The following EIF4G2 variants were observed in gnomAD, a reference collection of about 807,000 sequenced individuals.
EIF4G2 encodes eukaryotic translation initiation factor 4 gamma 2, also known as DAP-5.
Under a neutral mutation model 117.7 loss-of-function variants are expected in EIF4G2, and 8 were observed. The observed-to-expected ratio is 0.07, with a 90% confidence interval of 0.04 to 0.12. The LOEUF (loss-of-function observed/expected upper bound fraction) is 0.12, where lower values mean the gene tolerates loss of function less well. EIF4G2 is among the 10% of genes least tolerant of loss of function. The pLI, the probability that EIF4G2 is intolerant of heterozygous loss-of-function variation, is 1.00. For synonymous variants in EIF4G2, 413 were observed against 367.8 expected, an observed-to-expected ratio of 1.12 and a Z score of -1.41; for missense variants, 812 against 1,086.2, an observed-to-expected ratio of 0.75 and a Z score of 3.55.
chr11:10,808,587 A>G (rs1022261364), intron 1 of EIF4G2, 118 bp downstream of exon 1: 55 of 888,948 alleles, frequency 6.2e-5, no homozygotes, highest in Non-Finnish European at 7.4e-5. Context: ...ATGCTAAAAA[A>G]GGGTCGCCCC....
At position 10,797,692 on chromosome 11, in the gene EIF4G2, C is replaced by T. The variant is rs944798371; in HGVS notation, c.*124G>A. 2.0e-5 allele frequency: 20 copies of T among 999,448 alleles called. No individual in the cohort carries two copies. The highest frequency in any genetic ancestry group is 2.4e-5 in the Non-Finnish European group (16 of 657,770). 61.9% of individuals were successfully genotyped at this position (999,448 alleles called of 1,614,324 possible). Reference sequence around the variant, plus strand: ...TTATGCAGAAGGAAATCCTAACTGACGTGCTTCTGCTTTAAATATTGTGAA... The same window carrying T: ...TTATGCAGAAGGAAATCCTAACTGATGTGCTTCTGCTTTAAATATTGTGAA... On this transcript the variant is annotated 3_prime_UTR_variant, in exon 22 of 22. Coordinates refer to ENST00000339995, the MANE Select transcript of EIF4G2 (RefSeq NM_001418.4). The surrounding 1 kb of genome is among the most constrained non-coding windows in gnomAD (Gnocchi z 4.5).
In EIF4G2 at chr11:10,808,579, G is replaced by A. The variant is rs530205550; in HGVS notation, c.-87+126C>T. ...CAGGTATCTGAAGCGCAGAGGAAAT[G>A]CTAAAAAAGGGTCGCCCCACCCGGC... On this transcript the variant is annotated intron_variant, in intron 1 of 21. Coordinates refer to ENST00000339995, the MANE Select transcript of EIF4G2 (RefSeq NM_001418.4). 3.2e-4 allele frequency: 302 copies of A among 943,352 alleles called. 1 individual carries two copies. In the African/African-American group the frequency reaches 5.2e-3, roughly 16 times the overall value. The allele number at this position is 943,352 out of a possible 1,614,324, so 58.4% of individuals were successfully genotyped here.
intron 21 of EIF4G2, chr11:10,798,621 T>G (rs1847330641): frequency 6.1e-6 from 1 of 164,538 alleles, no homozygotes; most frequent in African/African-American, 2.4e-5. Flanking sequence ...TGAGCTCAAG[T>G]GATCCTCCCA....
At chr11:10,808,156 C>A in intron 1 of EIF4G2, 3 of 1,094,914 alleles carry the variant, frequency 2.7e-6, no homozygotes, top group African/African-American at 3.5e-5. Flanking sequence ...CACCATAAAT[C>A]CCCCCGGGAC....
rs549708868 is a variant in EIF4G2, at chr11:10,806,510, C to A, written c.107+310G>T. 50 of 358,916 alleles carry A rather than the reference C, an allele frequency of 1.4e-4. No homozygotes were observed. The East Asian group carries it at 2.5e-3, about 18-fold the overall frequency. The allele number at this position is 358,916 out of a possible 1,614,324, so 22.2% of individuals were successfully genotyped here. The stretch of plus-strand genomic sequence containing the variant: ...TAAACACTTTCTAATGTTTTATTGA[C>A]CATGTTGAGTGCGTACTACTTTACT... On this transcript the variant is annotated intron_variant, in intron 3 of 21. Transcript: ENST00000339995.
chr11:10,799,872 TAGAG>T, intron 18 of EIF4G2, 116 bp from the exon 19 acceptor site: 1 of 1,301,416 alleles, frequency 7.7e-7, no homozygotes, highest in African/African-American at 1.5e-5. Context: ...TGTAGCAGAA[TAGAG>T]AACCAACCCA....
rs1475137523 is a variant in EIF4G2, at chr11:10,799,603, A to G, written c.2273T>C (p.Ile758Thr). ...TTTATCTACATGAAGTTTGGGAGAG[A>G]TGTTATCTTTAATCCATTTATATAT... is the stretch of plus-strand genomic sequence containing the variant. The change falls in exon 19 of 22, where the codon ATC becomes ACC. Residue 758 changes from isoleucine to threonine, a missense_variant. By Grantham distance (89) the Ile-to-Thr change is moderately conservative. Transcript: ENST00000339995. 2 of 1,613,950 alleles carry G rather than the reference A, an allele frequency of 1.2e-6. No individual in the cohort carries two copies. Among genetic ancestry groups the G allele is most frequent in the Non-Finnish European group, 1.7e-6 (2 of 1,180,010 alleles).
chr11:10,802,513 G>A (rs1847452484), intron 11 of EIF4G2, 78 bp from the exon 12 acceptor site: 2 of 1,444,750 alleles, frequency 1.4e-6, no homozygotes, highest in South Asian at 1.5e-5. Context: ...GCAACTAGGG[G>A]GGGAAACCTA....
In EIF4G2 at chr11:10,801,746, C is replaced by T. The variant is rs1209103573; in HGVS notation, c.1328G>A (p.Ser443Asn). The change falls in exon 14 of 22, where the codon AGT becomes AAT. Residue 443 changes from serine to asparagine, a missense_variant. Physicochemically the swap from Ser to Asn is conservative, Grantham distance 46. This residue lies in a region of EIF4G2 where 571 missense variants were observed against 642.3 expected (regional missense o/e 0.89). Transcript: ENST00000339995. ...TTGCAGCTGGGATAAGAGTCCCTGA[C>T]TCTGGTTATGGTAGAGCTGGCTTAG... is the stretch of plus-strand genomic sequence containing the variant. The T allele has an allele frequency of 1.2e-6, 2 of 1,614,140 alleles. No individual in the cohort carries two copies. Among genetic ancestry groups the T allele is most frequent in the South Asian group, 1.1e-5 (1 of 91,080 alleles).
intron 3 of EIF4G2, 54 bp from the exon 4 acceptor site, chr11:10,806,101 A>G (rs1847561977): frequency 1.9e-6 from 3 of 1,608,840 alleles, no homozygotes; most frequent in South Asian, 2.2e-5. Context: ...AATGTTAAAC[A>G]TCATAAATTC....
Position 10,801,652 on chromosome 11 carries a change from C to T in EIF4G2, c.1413+9G>A, listed in dbSNP as rs778746414. 6.2e-7 allele frequency: 1 copy of T among 1,611,660 alleles called. No individual in the cohort carries two copies. Among genetic ancestry groups the T allele is most frequent in the Non-Finnish European group, 8.5e-7 (1 of 1,177,814 alleles). The stretch of plus-strand genomic sequence containing the variant: ...AACTATGGTATATAAGTAACATAGG[C>T]AAATGTACCTCATCTGCATTAAGCT... On this transcript the variant is annotated intron_variant, in intron 14 of 21. Transcript: ENST00000339995.
chr11:10,803,364 C>G lies in EIF4G2; in HGVS notation c.814-70G>C. On this transcript the variant is annotated intron_variant, in intron 9 of 21. Transcript: ENST00000339995. The surrounding 1 kb of genome is among the most constrained non-coding windows in gnomAD (Gnocchi z 4.0). ...TGTTCAATTTACAGCTTTAAGACTTCTAAAATTATAACCCAGTTAATGGCT... is the reference window on the plus strand; with the variant it reads ...TGTTCAATTTACAGCTTTAAGACTTGTAAAATTATAACCCAGTTAATGGCT... 6.3e-7 allele frequency: 1 copy of G among 1,579,284 alleles called. No individual in the cohort carries two copies. The highest frequency in any genetic ancestry group is 2.2e-5 in the East Asian group (1 of 44,602).
At position 10,799,366 on chromosome 11, in the gene EIF4G2, A is replaced by T. The variant is rs1219143765; in HGVS notation, c.2383T>A (p.Ser795Thr). ...TCTAACTGTTCTTTGGAAGGAGCAG[A>T]GGATGAATCTGTTTCATCGCTGGGG... Residue 795 changes from serine to threonine, a missense_variant, in exon 20 of 22, where the codon TCT becomes ACT. By Grantham distance (58) the Ser-to-Thr change is moderately conservative. This residue lies in a region of EIF4G2 where 571 missense variants were observed against 642.3 expected (regional missense o/e 0.89). Transcript: ENST00000339995. 6.2e-7 allele frequency: 1 copy of T among 1,613,250 alleles called. No individual in the cohort carries two copies. The highest frequency in any genetic ancestry group is 8.5e-7 in the Non-Finnish European group (1 of 1,180,042).
rs1847522225 is a variant in EIF4G2, at chr11:10,804,974, C to A, written c.290G>T (p.Cys97Phe). 6.2e-7 allele frequency: 1 copy of A among 1,614,126 alleles called. No individual in the cohort carries two copies. Among genetic ancestry groups the A allele is most frequent in the Non-Finnish European group, 8.5e-7 (1 of 1,179,998 alleles). The change falls in exon 5 of 22, where the codon TGC becomes TTC. Residue 97 changes from cysteine (C) to phenylalanine (F), a missense_variant. Cys to Phe is a radical substitution (Grantham distance 205). Transcript: ENST00000339995. ...TACACCCACATTGAGGAGCTCAAGG[C>A]ATAGCTTGTCAAACTTTTCAGGAGT...
At chr11:10,804,551 G>C (rs1190391385) in intron 5 of EIF4G2, 133 bp from the exon 6 acceptor site, 2 of 1,149,646 alleles carry the variant, frequency 1.7e-6, no homozygotes, top group South Asian at 1.8e-5. Flanking sequence ...ATTTCATCTA[G>C]TCACATCCAT....
chr11:10,798,475 C>A (rs1847325041), intron 21 of EIF4G2, among the ~76,000 whole-genome samples: 1 of 152,156 alleles, frequency 6.6e-6, no homozygotes, highest in South Asian at 2.1e-4. Flanking sequence ...TCACTGCAAC[C>A]TCTGCCTCCT....
chr11:10,802,465 T>G (rs1564982996), intron 11 of EIF4G2, 30 bp from the exon 12 acceptor site: 4 of 1,535,574 alleles, frequency 2.6e-6, no homozygotes, highest in Non-Finnish European at 3.5e-6. Flanking sequence ...ATGCACTTTT[T>G]GTCTCTGGAC....
In EIF4G2 at chr11:10,798,980, CAA is replaced by C. The variant is rs757843126; in HGVS notation, c.2658+10_2658+11del. ...TGAAGTAAGCAGACCAAATTTTTAA[CAA>C]AAGACTTACCTGGAACAAAGCCTTG... is the stretch of plus-strand genomic sequence containing the variant. On this transcript the variant is annotated intron_variant, in intron 21 of 21. Transcript: ENST00000339995. 276 of 1,585,986 alleles carry C rather than the reference CAA, an allele frequency of 1.7e-4. 2 individuals are homozygous for C. The highest frequency in any genetic ancestry group is 4.2e-4 in the East Asian group (19 of 44,730).
At chr11:10,808,626 G>A (rs1346723939) in intron 1 of EIF4G2, 79 bp downstream of exon 1, 3 of 514,160 alleles carry the variant, frequency 5.8e-6, no homozygotes, top group Non-Finnish European at 8.2e-6. Flanking sequence ...CCGCCATTTT[G>A]TACCACTCGA....
Sources: allele counts gnomAD v4.1 joint callset (sites outside exome capture counted in the v4.1 genomes callset), GRCh38; gene constraint gnomAD v4.1.1; regional missense constraint gnomAD v4.1.1; non-coding constraint Gnocchi (gnomAD v3.1); transcripts MANE v1.5; gene names NCBI Gene and HGNC (gene_info 2026-07-23, HGNC 2026-07-21).